MAGI2: variants seen among roughly 807,000 people sequenced by gnomAD.
The protein encoded by MAGI2 is membrane associated guanylate kinase, WW and PDZ domain containing 2.
In MAGI2, 35 loss-of-function variants were observed where a neutral mutation model predicts 133.3. That is an observed-to-expected ratio of 0.26 (90% CI 0.20 to 0.35). The LOEUF is 0.35. Ranked by LOEUF, MAGI2 falls within the 10% of genes least tolerant of loss-of-function variation. The pLI is 1.00. For missense variants in MAGI2, 1,636 were observed against 1,863.4 expected (o/e 0.88, Z 2.25); for synonymous variants, 729 against 710.6 (o/e 1.03, Z -0.41).
intron 4 of MAGI2, among the ~76,000 whole-genome samples, chr7:78,502,736 C>A (rs1436677610): frequency 6.6e-6 from 1 of 152,078 alleles, no homozygotes; most frequent in Non-Finnish European, 1.5e-5. Context: ...CTAAGGGGAG[C>A]TACTGTACAA....
At chr7:79,102,192 T>C (rs1202038893) in intron 1 of MAGI2, among the ~76,000 whole-genome samples, 1 of 152,238 alleles carries the variant, frequency 6.6e-6, no homozygotes, top group East Asian at 1.9e-4. Flanking sequence ...CATAGGTATA[T>C]GTGCCATGGT....
intron 1 of MAGI2, among the ~76,000 whole-genome samples, chr7:79,202,202 C>A (rs1291930092): frequency 1.3e-5 from 2 of 151,748 alleles, no homozygotes; most frequent in African/African-American, 4.9e-5. Context: ...TTTCAGTGGG[C>A]AGGGTGGTTA....
At chr7:78,354,269 T>C (rs1204895451) in intron 7 of MAGI2, among the ~76,000 whole-genome samples, 1 of 152,228 alleles carries the variant, frequency 6.6e-6, no homozygotes, top group Non-Finnish European at 1.5e-5. Context: ...TATTTCTTAA[T>C]AAATTACTTA....
chr7:79,361,680 C>A (rs9640777), intron 1 of MAGI2, among the ~76,000 whole-genome samples: 1 of 152,068 alleles, frequency 6.6e-6, no homozygotes, highest in Non-Finnish European at 1.5e-5. Flanking sequence ...AGAGATCATG[C>A]TATGGGTTAT....
intron 1 of MAGI2, among the ~76,000 whole-genome samples, chr7:79,067,771 T>C (rs1327706407): frequency 6.6e-6 from 1 of 152,204 alleles, no homozygotes; most frequent in East Asian, 1.9e-4. Flanking sequence ...TATTTTGAGA[T>C]ACATTCCATC....
rs376983571 is a variant in MAGI2, at chr7:79,129,773, A to C, written c.302-122567T>G. Among the ~76,000 whole-genome samples the C allele has an allele frequency of 3.5e-4, 54 of 152,316 alleles. No homozygotes were observed. In the East Asian group the frequency reaches 6.6e-3, roughly 19 times the overall value. ...TATTAAATGAAAAATTCAGAAGGCA[A>C]TATTAATGTGAACTTAGTCATAATA... is the stretch of plus-strand genomic sequence containing the variant. On this transcript the variant is annotated intron_variant, in intron 1 of 21. Transcript: ENST00000354212.
chr7:79,303,729 G>A (rs543191306), intron 1 of MAGI2, among the ~76,000 whole-genome samples: 1 of 152,244 alleles, frequency 6.6e-6, no homozygotes, highest in African/African-American at 2.4e-5. Flanking sequence ...TTTACTCTGA[G>A]TAACTATCAC....
rs140764572 is a variant in MAGI2, at chr7:79,188,263, C to A, written c.302-181057G>T. On this transcript the variant is annotated intron_variant, in intron 1 of 21. Transcript: ENST00000354212. Reference sequence around the variant, plus strand: ...TGCATTAGCTAATTTTCCTGGTGCTCTCCCTACCCTTTCCACCCCGCCTCC... The same window carrying A: ...TGCATTAGCTAATTTTCCTGGTGCTATCCCTACCCTTTCCACCCCGCCTCC... Among the ~76,000 whole-genome samples the A allele has an allele frequency of 8.8e-3, 1,335 of 151,810 alleles. 16 individuals carry two copies. Among genetic ancestry groups the A allele is most frequent in the Non-Finnish European group, 0.013 (899 of 67,922 alleles).
At chr7:78,945,017 G>T (rs1801302082) in intron 2 of MAGI2, among the ~76,000 whole-genome samples, 2 of 151,648 alleles carry the variant, frequency 1.3e-5, no homozygotes, top group Admixed American at 1.3e-4. Flanking sequence ...GGATTTACAG[G>T]CATGAGCCAC....
intron 2 of MAGI2, among the ~76,000 whole-genome samples, chr7:78,928,480 T>C (rs1799876775): frequency 6.6e-6 from 1 of 151,902 alleles, no homozygotes; most frequent in South Asian, 2.1e-4. Context: ...AGAACATTGG[T>C]TAATTAATAT....
chr7:78,742,520 G>C (rs773719782), intron 2 of MAGI2, among the ~76,000 whole-genome samples: 100 of 152,258 alleles, frequency 6.6e-4, no homozygotes, highest in Non-Finnish European at 1.2e-3. Context: ...TTTAAAAACA[G>C]GTAAAATTTA....
intron 2 of MAGI2, among the ~76,000 whole-genome samples, chr7:78,744,159 G>A (rs1002699493): frequency 6.6e-6 from 1 of 151,776 alleles, no homozygotes; most frequent in African/African-American, 2.4e-5. Flanking sequence ...ATTTTCAAGA[G>A]GTCAAAAAAC....
At chr7:78,842,693 A>C (rs990729133) in intron 2 of MAGI2, among the ~76,000 whole-genome samples, 1 of 151,824 alleles carries the variant, frequency 6.6e-6, no homozygotes, top group Admixed American at 6.6e-5. Context: ...TGAAGAAAAA[A>C]ATCCTATATG....
intron 3 of MAGI2, among the ~76,000 whole-genome samples, chr7:78,551,419 A>G (rs1799324010): frequency 6.6e-6 from 1 of 152,180 alleles, no homozygotes. Flanking sequence ...CTTCCACAAG[A>G]TTTATTGTCA....
intron 2 of MAGI2, among the ~76,000 whole-genome samples, chr7:78,795,914 C>T (rs1001361893): frequency 1.3e-5 from 2 of 152,020 alleles, no homozygotes; most frequent in African/African-American, 4.8e-5. Context: ...ATAAATGGTG[C>T]CAGGTAAACT....
In MAGI2 at chr7:78,823,580, C is replaced by CA. The variant is rs1166858938; in HGVS notation, c.418+183509dup. On this transcript the variant is annotated intron_variant, in intron 2 of 21. Coordinates refer to ENST00000354212, the MANE Select transcript of MAGI2 (RefSeq NM_012301.4). ...CCTGGGTGACAGCGAGACTCCGTCT[C>CA]AAAAAAAAAAAAAAAAAAAAAAGAA... is the stretch of plus-strand genomic sequence containing the variant. Among the ~76,000 whole-genome samples, 812 of 91,610 alleles carry CA rather than the reference C, an allele frequency of 8.9e-3. 9 individuals carry two copies. Among genetic ancestry groups the CA allele is most frequent in the African/African-American group, 0.018 (446 of 24,184 alleles). 60.1% of individuals were successfully genotyped at this position (91,610 alleles called of 152,430 possible).
At chr7:78,350,932 T>C (rs1017372068) in intron 7 of MAGI2, among the ~76,000 whole-genome samples, 12 of 152,228 alleles carry the variant, frequency 7.9e-5, no homozygotes, top group Admixed American at 1.3e-4. Flanking sequence ...TTTTAGTGCA[T>C]AGTCGTGGAT....
At chr7:79,361,716 A>T (rs190602706) in intron 1 of MAGI2, among the ~76,000 whole-genome samples, 61 of 152,288 alleles carry the variant, frequency 4.0e-4, no homozygotes, top group African/African-American at 7.0e-4. Flanking sequence ...GATTTTTTTT[A>T]AAAAATTAAA....
At chr7:78,845,029 A>G (rs929117544) in intron 2 of MAGI2, among the ~76,000 whole-genome samples, 2 of 151,918 alleles carry the variant, frequency 1.3e-5, no homozygotes, top group Admixed American at 6.6e-5. Flanking sequence ...TGCTTTAACC[A>G]AAGGAGCTTG....
Sources: allele counts gnomAD v4.1 joint callset (sites outside exome capture counted in the v4.1 genomes callset), GRCh38; gene constraint gnomAD v4.1.1; transcripts MANE v1.5; gene names NCBI Gene and HGNC (gene_info 2026-07-23, HGNC 2026-07-21).